UBE2G1: variants seen among roughly 807,000 people sequenced by gnomAD.
The protein encoded by UBE2G1 is ubiquitin conjugating enzyme E2 G1.
Under a neutral mutation model 22.7 loss-of-function variants are expected in UBE2G1, and 5 were observed. The ratio of observed to expected loss-of-function variants is 0.22; its 90% confidence interval spans 0.12 to 0.46. The LOEUF (loss-of-function observed/expected upper bound fraction) is 0.46. UBE2G1 is among the 20% of genes least tolerant of loss of function. The probability of loss-of-function intolerance (pLI) is 0.99; values close to 1 mark genes in which losing one functional copy is unlikely to be tolerated. For missense variants in UBE2G1, 88 were observed against 203.9 expected (o/e 0.43, Z 3.46); for synonymous variants, 74 against 67.5 (o/e 1.10, Z -0.47).
chr17:4,347,679 G>A (rs965158055), intron 1 of UBE2G1, among the ~76,000 whole-genome samples: 8 of 151,942 alleles, frequency 5.3e-5, no homozygotes, highest in African/African-American at 1.2e-4. Context: ...TTTTCACCAC[G>A]TGGACCAGGC....
At chr17:4,318,054 TAAAC>T (rs1247651049) in intron 1 of UBE2G1, among the ~76,000 whole-genome samples, 1 of 152,214 alleles carries the variant, frequency 6.6e-6, no homozygotes, top group African/African-American at 2.4e-5. Flanking sequence ...CTGGGCAACT[TAAAC>T]AGATCATTTC....
chr17:4,302,899 G>T (rs1478852662), intron 2 of UBE2G1, among the ~76,000 whole-genome samples: 3 of 152,150 alleles, frequency 2.0e-5, no homozygotes, highest in African/African-American at 7.2e-5. Context: ...TGTTGCTGAA[G>T]AATTCTACAA....
intron 2 of UBE2G1, among the ~76,000 whole-genome samples, chr17:4,300,069 C>T (rs1466765365): frequency 1.7e-5 from 2 of 119,810 alleles, no homozygotes; most frequent in Non-Finnish European, 3.5e-5. Context: ...TTCTGAGCCA[C>T]CGCACCTGGC....
At chr17:4,350,834 C>T (rs1969836511) in intron 1 of UBE2G1, among the ~76,000 whole-genome samples, 1 of 151,882 alleles carries the variant, frequency 6.6e-6, no homozygotes, top group South Asian at 2.1e-4. Context: ...AGGTCGAGAC[C>T]ATCCTGGCTA....
chr17:4,345,560 CTA>C (rs1253226836), intron 1 of UBE2G1: 2 of 152,156 alleles, frequency 1.3e-5, no homozygotes, highest in East Asian at 3.8e-4. Flanking sequence ...TTCGGTAACA[CTA>C]TAAAAACAAT....
intron 5 of UBE2G1, among the ~76,000 whole-genome samples, chr17:4,275,233 A>G (rs547163472): frequency 6.6e-6 from 1 of 152,350 alleles, no homozygotes; most frequent in African/African-American, 2.4e-5. Context: ...AAGTTATACT[A>G]AATTCTAAAT....
Position 4,271,171 on chromosome 17 carries a change from A to C in UBE2G1, c.*1383T>G, listed in dbSNP as rs1968754798. 6.6e-6 allele frequency: 1 copy of C among 152,470 alleles called. No individual in the cohort carries two copies. The highest frequency in any genetic ancestry group is 2.4e-5 in the African/African-American group (1 of 41,466). The allele number at this position is 152,470 out of a possible 1,614,324, so 9.4% of individuals were successfully genotyped here. On this transcript the variant is annotated 3_prime_UTR_variant, in exon 6 of 6. Coordinates refer to ENST00000396981, the MANE Select transcript of UBE2G1 (RefSeq NM_003342.5). ...TATGATATGAAATATATTGAAGCTC[A>C]AACATTAATCACATCCAAGTGTACT...
In UBE2G1 at chr17:4,353,559, C is replaced by T. The variant is rs374811809; in HGVS notation, c.46+12712G>A. ...CTGTCACCAGGCTGGAGTGTAGTGG[C>T]GATCTTGGCTCACTGCAACCTCGGT... On this transcript the variant is annotated intron_variant, in intron 1 of 5. Transcript: ENST00000396981. Among the ~76,000 whole-genome samples the T allele has an allele frequency of 9.3e-5, 14 of 150,454 alleles. No homozygotes were observed. In the East Asian group the frequency reaches 1.6e-3, roughly 17 times the overall value.
At chr17:4,276,678 T>C (rs1968825376) in intron 5 of UBE2G1, among the ~76,000 whole-genome samples, 1 of 152,078 alleles carries the variant, frequency 6.6e-6, no homozygotes, top group Admixed American at 6.5e-5. Context: ...CCTTCTACCT[T>C]ACTGTGCTGA....
At position 4,346,431 on chromosome 17, in the gene UBE2G1, C is replaced by CT. The variant is rs67852481; in HGVS notation, c.46+19839dup. ...TCTATACAGCTTACATTTTCTTCTT[C>CT]TTTTTTTTTTTTTTTTTTTTTGAGA... On this transcript the variant is annotated intron_variant, in intron 1 of 5. Coordinates refer to ENST00000396981, the MANE Select transcript of UBE2G1 (RefSeq NM_003342.5). 5.3e-3 allele frequency among the ~76,000 whole-genome samples: 635 copies of CT among 120,480 alleles called. 3 individuals carry two copies. The highest frequency in any genetic ancestry group is 0.016 in the East Asian group (70 of 4,406). The allele number at this position is 120,480 out of a possible 152,430, so 79.0% of individuals were successfully genotyped here.
intron 1 of UBE2G1, among the ~76,000 whole-genome samples, 182 bp from the exon 2 acceptor site, chr17:4,307,305 C>G (rs985255754): frequency 6.6e-6 from 1 of 152,158 alleles, no homozygotes; most frequent in African/African-American, 2.4e-5. Context: ...TAAGAAAGCC[C>G]TGGGTAAAGC....
intron 1 of UBE2G1, among the ~76,000 whole-genome samples, chr17:4,351,183 G>C (rs191289317): frequency 6.7e-6 from 1 of 148,154 alleles, no homozygotes; most frequent in African/African-American, 2.7e-5. Context: ...CGGGGGCTGG[G>C]GGGTGGGGGA....
chr17:4,333,056 G>C (rs1567525700), intron 1 of UBE2G1, among the ~76,000 whole-genome samples: 1 of 152,064 alleles, frequency 6.6e-6, no homozygotes, highest in Non-Finnish European at 1.5e-5. Context: ...CCCAAGAAAT[G>C]AATTACTTAA....
At chr17:4,356,512 T>A (rs1969908181) in intron 1 of UBE2G1, among the ~76,000 whole-genome samples, 1 of 151,828 alleles carries the variant, frequency 6.6e-6, no homozygotes, top group Non-Finnish European at 1.5e-5. Flanking sequence ...TAAACTTTTA[T>A]GCTGATCCTT....
chr17:4,275,666 G>T (rs1968812964), intron 5 of UBE2G1, among the ~76,000 whole-genome samples: 1 of 152,046 alleles, frequency 6.6e-6, no homozygotes, highest in South Asian at 2.1e-4. Context: ...TGATGTTAAT[G>T]ACAAAAATAA....
At chr17:4,362,511 G>A (rs916370612) in intron 1 of UBE2G1, among the ~76,000 whole-genome samples, 4 of 152,008 alleles carry the variant, frequency 2.6e-5, no homozygotes, top group African/African-American at 7.2e-5. Flanking sequence ...CGTCAGTAGC[G>A]CCAAGACTGA....
chr17:4,305,533 G>C (rs1969239709), intron 2 of UBE2G1, among the ~76,000 whole-genome samples: 1 of 152,122 alleles, frequency 6.6e-6, no homozygotes, highest in African/African-American at 2.4e-5. Flanking sequence ...GTACACCAAA[G>C]ACCAGAGACG....
intron 1 of UBE2G1, among the ~76,000 whole-genome samples, chr17:4,320,940 AAAAG>A (rs1287627170): frequency 1.3e-5 from 2 of 152,184 alleles, no homozygotes; most frequent in African/African-American, 2.4e-5. Flanking sequence ...AAAAGTAAAA[AAAAG>A]AAATTATGAA....
intron 5 of UBE2G1, among the ~76,000 whole-genome samples, chr17:4,280,408 G>A (rs1352716405): frequency 1.7e-5 from 2 of 119,796 alleles, no homozygotes; most frequent in Non-Finnish European, 3.2e-5. Flanking sequence ...GTGCAATGAT[G>A]CAATCTCAGC....
Sources: allele counts gnomAD v4.1 joint callset (sites outside exome capture counted in the v4.1 genomes callset), GRCh38; gene constraint gnomAD v4.1.1; transcripts MANE v1.5; gene names NCBI Gene and HGNC (gene_info 2026-07-23, HGNC 2026-07-21).